MTMR12: variants seen among roughly 807,000 people sequenced by gnomAD.
The protein encoded by MTMR12 is myotubularin-related protein 12.
In MTMR12, 33 loss-of-function variants were observed where a neutral mutation model predicts 96.7. That is an observed-to-expected ratio of 0.34 (90% CI 0.26 to 0.46). The LOEUF (loss-of-function observed/expected upper bound fraction) is 0.46. Ranked by LOEUF, MTMR12 falls within the 20% of genes least tolerant of loss-of-function variation. The probability of loss-of-function intolerance (pLI) is 1.00; values close to 1 mark genes in which losing one functional copy is unlikely to be tolerated. For missense variants in MTMR12, 721 were observed against 896.1 expected (o/e 0.80, Z 2.49); for synonymous variants, 298 against 327.2 (o/e 0.91, Z 0.96).
intron 1 of MTMR12, among the ~76,000 whole-genome samples, chr5:32,291,496 CTGAG>C: frequency 6.6e-6 from 1 of 152,312 alleles, no homozygotes; most frequent in Middle Eastern, 3.4e-3. Flanking sequence ...ATGGTCCTCT[CTGAG>C]TGGTCAAAAA....
At chr5:32,311,067 GCTGGTC>G (rs1451336507) in intron 1 of MTMR12, among the ~76,000 whole-genome samples, 2 of 152,046 alleles carry the variant, frequency 1.3e-5, no homozygotes, top group Non-Finnish European at 2.9e-5. Flanking sequence ...TGTTGGCCAG[GCTGGTC>G]TCCAACTTCT....
At chr5:32,304,234 C>T (rs1346561645) in intron 1 of MTMR12, among the ~76,000 whole-genome samples, 2 of 151,864 alleles carry the variant, frequency 1.3e-5, no homozygotes, top group South Asian at 2.1e-4. Flanking sequence ...GCAGGAGAAT[C>T]GCTTGAACCC....
chr5:32,303,328 A>G (rs1447329200), intron 1 of MTMR12, among the ~76,000 whole-genome samples: 2 of 152,196 alleles, frequency 1.3e-5, no homozygotes, highest in Non-Finnish European at 2.9e-5. Flanking sequence ...TGCTTTCCTT[A>G]GAGTTGCGAT....
intron 8 of MTMR12, among the ~76,000 whole-genome samples, chr5:32,253,040 G>C (rs983654468): frequency 6.6e-6 from 1 of 152,190 alleles, no homozygotes; most frequent in Non-Finnish European, 1.5e-5. Context: ...ACCTAAAGCA[G>C]GGGTTTTCAA....
intron 1 of MTMR12, among the ~76,000 whole-genome samples, chr5:32,303,361 T>TA (rs1751222164): frequency 6.6e-6 from 1 of 152,080 alleles, no homozygotes; most frequent in South Asian, 2.1e-4. Flanking sequence ...CAAAGGGGAA[T>TA]AAAGGAAGGG....
Position 32,247,988 on chromosome 5 carries a change from A to G in MTMR12, c.1021+14T>C. ...CCATATAACACAAAAGTTTTTGCTC[A>G]GTATTCTTCTCACCTATCAGAAATA... On this transcript the variant is annotated intron_variant, in intron 10 of 15. Transcript: ENST00000382142. 2 of 1,608,598 alleles carry G rather than the reference A, an allele frequency of 1.2e-6. No homozygotes were observed. The highest frequency in any genetic ancestry group is 1.7e-6 in the Non-Finnish European group (2 of 1,176,354).
At chr5:32,248,710 C>T in intron 9 of MTMR12, 62 bp downstream of exon 9, 1 of 1,271,916 alleles carries the variant, frequency 7.9e-7, no homozygotes, top group African/African-American at 1.5e-5. Flanking sequence ...CTACTAAGAG[C>T]TGTTCCCTGC....
Position 32,230,163 on chromosome 5 carries a change from G to T in MTMR12, c.1859C>A (p.Ser620Tyr). Reference protein sequence around the residue: ...REFYDSWHSKSTDYHGLLLPH... With the variant: ...REFYDSWHSKYTDYHGLLLPH... Reference sequence around the variant, plus strand: ...TAACAACAAACCATGGTAGTCAGTGGACTTGCTATGCCAGCTGTCATAGAA... The same window carrying T: ...TAACAACAAACCATGGTAGTCAGTGTACTTGCTATGCCAGCTGTCATAGAA... Residue 620 changes from serine to tyrosine, a missense_variant, in exon 16 of 16, where the codon TCC (serine) becomes TAC (tyrosine). Physicochemically the swap from Ser to Tyr is moderately radical, Grantham distance 144 (BLOSUM62 -2). Coordinates refer to ENST00000382142, the MANE Select transcript of MTMR12 (RefSeq NM_001040446.3). 1 of 1,614,148 alleles carries T rather than the reference G, an allele frequency of 6.2e-7. No homozygotes were observed. Among genetic ancestry groups the T allele is most frequent in the Non-Finnish European group, 8.5e-7 (1 of 1,180,026 alleles).
chr5:32,308,598 CCTTT>C lies in MTMR12; in HGVS notation c.81+4156_81+4159del, dbSNP rs1751446812. Among the ~76,000 whole-genome samples, 8 of 152,040 alleles carry C rather than the reference CCTTT, an allele frequency of 5.3e-5. No individual in the cohort carries two copies. In the South Asian group the frequency reaches 1.7e-3, roughly 32 times the overall value. Reference sequence around the variant, plus strand: ...TACATTGCCTTCTCACCCCTTCCTACCTTTATCTTCTTTTTTTTTTTGAGATGGA... The same window carrying C: ...TACATTGCCTTCTCACCCCTTCCTACATCTTCTTTTTTTTTTTGAGATGGA... On this transcript the variant is annotated intron_variant, in intron 1 of 15. Coordinates refer to ENST00000382142, the MANE Select transcript of MTMR12 (RefSeq NM_001040446.3).
Position 32,228,051 on chromosome 5 carries a change from A to C in MTMR12, c.*1727T>G, listed in dbSNP as rs1298637838. ...TGCTCCATCACCCAGGCCGGAGTGC[A>C]GTGGCACGATCTTAGCTCACTGCAA... On this transcript the variant is annotated 3_prime_UTR_variant, in exon 16 of 16. Transcript: ENST00000382142. The C allele has an allele frequency of 6.6e-6, 1 of 152,328 alleles. No individual in the cohort carries two copies. The highest frequency in any genetic ancestry group is 1.9e-4 in the East Asian group (1 of 5,202). The allele number at this position is 152,328 out of a possible 1,614,324, so 9.4% of individuals were successfully genotyped here. A position where few individuals can be genotyped will look rare whatever the true frequency, so the allele number is the denominator to read the frequency against.
intron 1 of MTMR12, among the ~76,000 whole-genome samples, chr5:32,287,152 T>A (rs1162796437): frequency 6.6e-6 from 1 of 152,190 alleles, no homozygotes; most frequent in South Asian, 2.1e-4. Flanking sequence ...CCAGGCAGAA[T>A]GGCCATGTGA....
chr5:32,250,825 T>G (rs918344855), intron 8 of MTMR12, among the ~76,000 whole-genome samples: 18 of 152,182 alleles, frequency 1.2e-4, no homozygotes, highest in Non-Finnish European at 7.3e-5. Context: ...ACTCCCTTAC[T>G]ATTCTCTGCG....
chr5:32,232,063 C>T (rs748913406), intron 15 of MTMR12, among the ~76,000 whole-genome samples: 3 of 152,240 alleles, frequency 2.0e-5, no homozygotes, highest in Non-Finnish European at 4.4e-5. Flanking sequence ...TCTCTATCTC[C>T]TAAGCAAAGG....
At chr5:32,288,978 C>T (rs549849935) in intron 1 of MTMR12, among the ~76,000 whole-genome samples, 1 of 152,280 alleles carries the variant, frequency 6.6e-6, no homozygotes, top group African/African-American at 2.4e-5. Context: ...CTTTGAAGAG[C>T]CCTGTAATTG....
chr5:32,277,673 T>C (rs1750110397), intron 1 of MTMR12, among the ~76,000 whole-genome samples: 1 of 150,864 alleles, frequency 6.6e-6, no homozygotes, highest in Non-Finnish European at 1.5e-5. Flanking sequence ...CACTCCAGCC[T>C]GGGTAACAGT....
intron 12 of MTMR12, among the ~76,000 whole-genome samples, chr5:32,240,815 G>C (rs1307122632): frequency 1.3e-5 from 2 of 152,086 alleles, no homozygotes; most frequent in Non-Finnish European, 1.5e-5. Context: ...TGGCCAGGCT[G>C]GTCTCCAACT....
At chr5:32,250,455 C>G (rs1478187742) in intron 8 of MTMR12, among the ~76,000 whole-genome samples, 1 of 152,206 alleles carries the variant, frequency 6.6e-6, no homozygotes, top group African/African-American at 2.4e-5. Context: ...GTAAGATAAT[C>G]AAAGGGCCCT....
intron 7 of MTMR12, 57 bp from the exon 8 acceptor site, chr5:32,255,825 A>G (rs754598597): frequency 1.9e-4 from 276 of 1,433,248 alleles, no homozygotes; most frequent in South Asian, 4.4e-4. Context: ...CAAAATATGA[A>G]AGCTCAACTT....
Position 32,244,704 on chromosome 5 carries a change from A to G in MTMR12, c.1022-1105T>C, listed in dbSNP as rs557680813. Among the ~76,000 whole-genome samples the G allele has an allele frequency of 6.6e-5, 10 of 152,338 alleles. No individual in the cohort carries two copies. In the East Asian group the frequency reaches 1.7e-3, roughly 26 times the overall value. Reference sequence around the variant, plus strand: ...ATGAGTGTCCTTGATTAAATAGTAAACATGTATTGTAATGTTTTAGTTTGA... The same window carrying G: ...ATGAGTGTCCTTGATTAAATAGTAAGCATGTATTGTAATGTTTTAGTTTGA... On this transcript the variant is annotated intron_variant, in intron 10 of 15. Transcript: ENST00000382142.
Sources: allele counts gnomAD v4.1 joint callset (sites outside exome capture counted in the v4.1 genomes callset), GRCh38; gene constraint gnomAD v4.1.1; transcripts MANE v1.5; gene names NCBI Gene and HGNC (gene_info 2026-07-23, HGNC 2026-07-21).